The following NRG1 variants were observed in gnomAD, a reference collection of about 807,000 sequenced individuals.
The protein encoded by NRG1 is pro-neuregulin-1, membrane-bound isoform.
NRG1 carries 18 observed loss-of-function variants against 63.8 expected under a neutral mutation model. The ratio of observed to expected loss-of-function variants is 0.28; its 90% CI spans 0.19 to 0.42. NRG1 has a LOEUF of 0.42. Ranked by LOEUF, NRG1 falls within the 10% of genes least tolerant of loss-of-function variation. The pLI is 1.00. For synonymous variants in NRG1, 302 were observed against 301.3 expected, an observed-to-expected ratio of 1.00 and a Z score of -0.02; for missense variants, 762 against 814.7, an observed-to-expected ratio of 0.94 and a Z score of 0.79.
chr8:32,302,381 T>C (rs1855675051), intron 1 of NRG1, among the ~76,000 whole-genome samples: 1 of 152,180 alleles, frequency 6.6e-6, no homozygotes, highest in East Asian at 1.9e-4. Context: ...TCCTAGCTAA[T>C]AGGTCAGTGG....
intron 1 of NRG1, among the ~76,000 whole-genome samples, chr8:31,969,008 C>A (rs557792342): frequency 6.6e-6 from 1 of 152,288 alleles, no homozygotes; most frequent in Non-Finnish European, 1.5e-5. Flanking sequence ...AGCGCTCTCT[C>A]CGCTTCGTTT....
chr8:32,027,385 G>C (rs1270954596), intron 1 of NRG1, among the ~76,000 whole-genome samples: 1 of 151,374 alleles, frequency 6.6e-6, no homozygotes, highest in Non-Finnish European at 1.5e-5. Flanking sequence ...TGCTAAATCT[G>C]TATGTTTTTT....
intron 1 of NRG1, among the ~76,000 whole-genome samples, chr8:32,059,591 C>G (rs532001995): frequency 6.6e-6 from 1 of 152,054 alleles, no homozygotes; most frequent in Admixed American, 6.6e-5. Flanking sequence ...AAGAGTTTTC[C>G]TTTCGAAATT....
At chr8:32,231,794 C>T (rs533998510) in intron 1 of NRG1, among the ~76,000 whole-genome samples, 265 of 151,108 alleles carry the variant, frequency 1.8e-3, no homozygotes, top group African/African-American at 5.3e-3. Flanking sequence ...CTCAGCAACT[C>T]GGGAGGCTGA....
chr8:32,353,727 C>T (rs533935731), intron 1 of NRG1, among the ~76,000 whole-genome samples: 52 of 152,254 alleles, frequency 3.4e-4, no homozygotes, highest in Non-Finnish European at 6.3e-4. Context: ...CAGAAATGTA[C>T]GATGACACAA....
intron 1 of NRG1, among the ~76,000 whole-genome samples, chr8:32,258,075 T>C (rs1170970869): frequency 1.3e-5 from 2 of 152,200 alleles, no homozygotes; most frequent in African/African-American, 4.8e-5. Context: ...AACTCAAGAA[T>C]TAAACTGATG....
chr8:32,313,917 G>A (rs1357411388), intron 1 of NRG1, among the ~76,000 whole-genome samples: 1 of 151,806 alleles, frequency 6.6e-6, no homozygotes, highest in Non-Finnish European at 1.5e-5. Flanking sequence ...ATCAATTTTT[G>A]TATTTTAAAT....
intron 2 of NRG1, among the ~76,000 whole-genome samples, chr8:32,601,460 A>G (rs11780004): frequency 0.38 from 57,881 of 151,980 alleles, 13,142 homozygotes; most frequent in Non-Finnish European, 0.5. Flanking sequence ...ACATTTTTGA[A>G]TGCTCAGAAA....
intron 5 of NRG1, among the ~76,000 whole-genome samples, chr8:32,635,843 G>A (rs1851239068): frequency 1.3e-5 from 2 of 152,134 alleles, no homozygotes; most frequent in South Asian, 4.1e-4. Flanking sequence ...GATGTGCCCT[G>A]AAGTTTCCAT....
At chr8:31,868,472 A>T (rs997114892) in intron 1 of NRG1, among the ~76,000 whole-genome samples, 2 of 152,196 alleles carry the variant, frequency 1.3e-5, no homozygotes, top group African/African-American at 4.8e-5. Context: ...ACTGATCATT[A>T]TCCTGATTTC....
chr8:32,040,750 CATAT>C (rs71208164), intron 1 of NRG1, among the ~76,000 whole-genome samples: 15 of 48,686 alleles, frequency 3.1e-4, no homozygotes, highest in African/African-American at 6.7e-4. Flanking sequence ...AATTTAGGCG[CATAT>C]ATATATATAT....
At chr8:32,607,696 G>A (rs1845497605) in intron 3 of NRG1, among the ~76,000 whole-genome samples, 1 of 152,110 alleles carries the variant, frequency 6.6e-6, no homozygotes, top group Non-Finnish European at 1.5e-5. Context: ...TTGGTCTAGT[G>A]ATCAAATTTG....
intron 1 of NRG1, among the ~76,000 whole-genome samples, chr8:32,357,877 C>T (rs55878517): frequency 0.056 from 8,564 of 152,232 alleles, 314 homozygotes; most frequent in Middle Eastern, 0.099. Context: ...GTAATAAGTA[C>T]TCTGGAAGAT....
intron 1 of NRG1, among the ~76,000 whole-genome samples, chr8:31,759,935 G>A (rs1175618576): frequency 6.6e-6 from 1 of 152,062 alleles, no homozygotes; most frequent in African/African-American, 2.4e-5. Flanking sequence ...TTTATTAAAT[G>A]TATTCACAAG....
At chr8:31,906,308 T>C (rs1386184774) in intron 1 of NRG1, among the ~76,000 whole-genome samples, 1 of 152,180 alleles carries the variant, frequency 6.6e-6, no homozygotes, top group East Asian at 1.9e-4. Flanking sequence ...ACACAAATGA[T>C]CAGAGAAAGA....
At chr8:32,371,060 A>C (rs1283589368) in intron 1 of NRG1, among the ~76,000 whole-genome samples, 3 of 151,064 alleles carry the variant, frequency 2.0e-5, no homozygotes, top group Admixed American at 1.3e-4. Flanking sequence ...GAAAATACAA[A>C]ATTTAGCCGG....
intron 1 of NRG1, among the ~76,000 whole-genome samples, chr8:31,823,442 G>T (rs1423401214): frequency 1.3e-5 from 2 of 152,080 alleles, no homozygotes; most frequent in Non-Finnish European, 2.9e-5. Context: ...CTGGAAGCCT[G>T]AATACTACAT....
chr8:32,487,679 T>C (rs971854655), intron 1 of NRG1, among the ~76,000 whole-genome samples: 2 of 152,144 alleles, frequency 1.3e-5, no homozygotes, highest in African/African-American at 4.8e-5. Flanking sequence ...TTGTGAGCAT[T>C]TGGTGCCACT....
At chr8:31,839,073 A>G (rs539103839) in intron 1 of NRG1, among the ~76,000 whole-genome samples, 2 of 152,330 alleles carry the variant, frequency 1.3e-5, no homozygotes, top group East Asian at 3.9e-4. Context: ...ATGGATTTGA[A>G]TTTCATCAAA....
Sources: gnomAD v4.1 joint callset for allele counts (sites outside exome capture counted in the v4.1 genomes callset) on GRCh38, gnomAD v4.1.1 for gene constraint, MANE v1.5 for transcripts, NCBI Gene and HGNC (gene_info 2026-07-23, HGNC 2026-07-21) for gene names.